The following FAM47E variants were observed in gnomAD, a reference collection of about 807,000 sequenced individuals.
The protein encoded by FAM47E is protein FAM47E.
FAM47E carries 32 observed loss-of-function variants against 41.6 expected under a neutral mutation model. That is an observed-to-expected ratio of 0.77 (90% CI 0.58 to 1.03). FAM47E has a LOEUF of 1.03. Among genes scored for constraint, FAM47E ranks in the 50% least tolerant of loss-of-function variants. The pLI is 0.00. For synonymous variants in FAM47E, 184 were observed against 188.7 expected (o/e 0.98, Z 0.20); for missense variants, 424 against 485.4 (o/e 0.87, Z 1.19).
chr4:76,259,152 A>G (rs1043909004), intron 2 of FAM47E, among the ~76,000 whole-genome samples: 6 of 152,206 alleles, frequency 3.9e-5, no homozygotes, highest in Non-Finnish European at 7.3e-5. Flanking sequence ...AAATTATTCA[A>G]TTGTGTACAA....
chr4:76,265,254 G>A (rs1293542436), intron 3 of FAM47E, among the ~76,000 whole-genome samples: 1 of 152,182 alleles, frequency 6.6e-6, no homozygotes. Flanking sequence ...ATGGCCCATG[G>A]GAAGCACAAT....
chr4:76,215,082 A>T (rs1425588034), intron 1 of FAM47E, among the ~76,000 whole-genome samples: 1 of 152,260 alleles, frequency 6.6e-6, no homozygotes, highest in Non-Finnish European at 1.5e-5. Flanking sequence ...TGCTGTGCTC[A>T]GTCATGAGCT....
In FAM47E at chr4:76,271,632, C is replaced by T. The variant is rs1410405126; in HGVS notation, c.734C>T (p.Pro245Leu). Reference protein sequence around the residue: ...KQFDIDYETKPSHDALHTMKL... With the variant: ...KQFDIDYETKLSHDALHTMKL... ...TTTGACATTGACTATGAGACCAAACCAAGCCATGATGCGCTCCACACGATG... is the reference window on the plus strand; with the variant it reads ...TTTGACATTGACTATGAGACCAAACTAAGCCATGATGCGCTCCACACGATG... Residue 245 changes from proline to leucine, a missense_variant, in exon 5 of 8, where the codon CCA becomes CTA. By Grantham distance (98) the Pro-to-Leu change is moderately conservative. Coordinates refer to ENST00000424749, the MANE Select transcript of FAM47E (RefSeq NM_001136570.3). 3.9e-6 allele frequency: 6 copies of T among 1,552,018 alleles called. No individual in the cohort carries two copies. Among genetic ancestry groups the T allele is most frequent in the Non-Finnish European group, 5.2e-6 (6 of 1,147,112 alleles).
At chr4:76,247,910 C>CTTTTTTTTTTTTTTTTT (rs753751295), upstream of FAM47E, among the ~76,000 whole-genome samples, 1 of 86,844 alleles carries the variant, frequency 1.2e-5, no homozygotes, top group Non-Finnish European at 2.1e-5. Context: ...CACTCTCTCT[C>CTTTTTTTTTTTTTTTTT]TTTTTTTTTT....
chr4:76,235,249 C>G (rs988694845), intron 2 of FAM47E, among the ~76,000 whole-genome samples: 1 of 152,008 alleles, frequency 6.6e-6, no homozygotes, highest in Non-Finnish European at 1.5e-5. Flanking sequence ...CCCCGGGAGG[C>G]GGAGCTTGCA....
chr4:76,277,266 C>T lies in FAM47E; in HGVS notation c.871-803C>T, dbSNP rs191956888. Among the ~76,000 whole-genome samples the T allele has an allele frequency of 5.5e-4, 83 of 152,190 alleles. 1 individual carries two copies. The East Asian group carries it at 0.015, about 28-fold the overall frequency. ...TTGGGAGGCCGAGGCGGGCGGATCACGAGGTCAGGAGATCAAGACCATCCT... is the reference window on the plus strand; with the variant it reads ...TTGGGAGGCCGAGGCGGGCGGATCATGAGGTCAGGAGATCAAGACCATCCT... On this transcript the variant is annotated intron_variant, in intron 5 of 7. Transcript: ENST00000424749.
At chr4:76,248,338 A>G (rs144578462), upstream of FAM47E, among the ~76,000 whole-genome samples, 50 of 152,236 alleles carry the variant, frequency 3.3e-4, no homozygotes, top group East Asian at 8.5e-3. Context: ...CCATTGCCAA[A>G]TTCAAAATTG....
Position 76,256,378 on chromosome 4 carries a change from T to C in FAM47E, c.275T>C (p.Ile92Thr). 1.9e-6 allele frequency: 3 copies of C among 1,551,908 alleles called. No homozygotes were observed. Among genetic ancestry groups the C allele is most frequent in the Non-Finnish European group, 2.6e-6 (3 of 1,147,174 alleles). The change falls in exon 2 of 8, where the codon ATC (isoleucine) becomes ACC (threonine). Residue 92 changes from isoleucine (I) to threonine (T), a missense_variant. Physicochemically the swap from Ile to Thr is moderately conservative, Grantham distance 89 (BLOSUM62 -1). Transcript: ENST00000424749. ...CAACTGGCCCCAAAGAAGAGGCAGA[T>C]CAAGCTGCTCAAGGAAGCAGACGTG... ...APQLAPKKRQ[I>T]KLLKEADVLS...
chr4:76,282,117 G>A (rs1578810405), intron 7 of FAM47E: 1 of 152,148 alleles, frequency 6.6e-6, no homozygotes, highest in South Asian at 2.1e-4. Context: ...TATAGTGTGT[G>A]CGTCAATAAT....
chr4:76,278,346 C>A, intron 6 of FAM47E, 122 bp downstream of exon 6: 1 of 1,077,866 alleles, frequency 9.3e-7, no homozygotes, highest in Non-Finnish European at 1.2e-6. Context: ...CTCCACCTTG[C>A]ATATTGAATT....
At chr4:76,257,155 A>G (rs1734228125) in intron 2 of FAM47E, among the ~76,000 whole-genome samples, 1 of 152,248 alleles carries the variant, frequency 6.6e-6, no homozygotes, top group African/African-American at 2.4e-5. Flanking sequence ...GAGGGAAGGG[A>G]CAAAGGTTAA....
In FAM47E at chr4:76,259,343, G is replaced by C. The variant is rs560703076; in HGVS notation, c.420+2820G>C. Reference sequence around the variant, plus strand: ...ACTACTCTTGGTTAAAGATTTGACTGTCAAGAAAGATAGACTTCTTATATT... The same window carrying C: ...ACTACTCTTGGTTAAAGATTTGACTCTCAAGAAAGATAGACTTCTTATATT... On this transcript the variant is annotated intron_variant, in intron 2 of 7. Transcript: ENST00000424749. Among the ~76,000 whole-genome samples, 14 of 152,302 alleles carry C rather than the reference G, an allele frequency of 9.2e-5. No homozygotes were observed. In the South Asian group the frequency reaches 2.5e-3, roughly 27 times the overall value.
At position 76,271,854 on chromosome 4, in the gene FAM47E, G is replaced by A. The variant is rs141636919; in HGVS notation, c.870+86G>A. The A allele has an allele frequency of 4.9e-4, 697 of 1,414,034 alleles. 9 individuals carry two copies. In the East Asian group the frequency reaches 0.017, roughly 35 times the overall value. The allele number at this position is 1,414,034 out of a possible 1,614,324, so 87.6% of individuals were successfully genotyped here. A position where few individuals can be genotyped will look rare whatever the true frequency, so the allele number is the denominator to read the frequency against. ...AAGTTCTTGAATTCTGATGTGTCATGGGTACTGGTTTTTTAAAGTAGAATT... is the reference window on the plus strand; with the variant it reads ...AAGTTCTTGAATTCTGATGTGTCATAGGTACTGGTTTTTTAAAGTAGAATT... On this transcript the variant is annotated intron_variant, in intron 5 of 7. Coordinates refer to ENST00000424749, the MANE Select transcript of FAM47E (RefSeq NM_001136570.3).
At chr4:76,265,413 G>A (rs1185726586) in intron 3 of FAM47E, among the ~76,000 whole-genome samples, 2 of 152,214 alleles carry the variant, frequency 1.3e-5, no homozygotes, top group Non-Finnish European at 2.9e-5. Flanking sequence ...GCTGTTATCA[G>A]TGAAGGGGAT....
At chr4:76,275,252 C>T (rs1009077506) in intron 5 of FAM47E, among the ~76,000 whole-genome samples, 5 of 152,038 alleles carry the variant, frequency 3.3e-5, no homozygotes, top group African/African-American at 1.2e-4. Flanking sequence ...ATAGTATTCT[C>T]GCTGCCTGGA....
At position 76,283,629 on chromosome 4, in the gene FAM47E, A is replaced by G. The variant is rs974115237; in HGVS notation, c.*171A>G. ...ACCTGATGGTTATAAGCATTTCTCA[A>G]TGGATTTCTGCTTCAGTTAATCAAC... On this transcript the variant is annotated 3_prime_UTR_variant, in exon 8 of 8. Transcript: ENST00000424749. 2 of 527,242 alleles carry G rather than the reference A, an allele frequency of 3.8e-6. No individual in the cohort carries two copies. Among genetic ancestry groups the G allele is most frequent in the Admixed American group, 3.2e-5 (1 of 30,912 alleles). The allele number at this position is 527,242 out of a possible 1,614,324, so 32.7% of individuals were successfully genotyped here. A position where few individuals can be genotyped will look rare whatever the true frequency, so the allele number is the denominator to read the frequency against.
chr4:76,276,066 ACACC>A (rs919342292), intron 5 of FAM47E, among the ~76,000 whole-genome samples: 3 of 151,148 alleles, frequency 2.0e-5, no homozygotes, highest in Non-Finnish European at 3.0e-5. Context: ...ACACACACAC[ACACC>A]CCTCCCCTAC....
chr4:76,262,702 C>T (rs1412103330), intron 2 of FAM47E, among the ~76,000 whole-genome samples: 1 of 152,120 alleles, frequency 6.6e-6, no homozygotes, highest in African/African-American at 2.4e-5. Context: ...TGAAAGATAA[C>T]ATTTTTTGAT....
In FAM47E at chr4:76,278,152, C is replaced by T. The variant is rs759825030; in HGVS notation, c.954C>T (p.Asp318=). Residue 318 remains aspartate (D), a synonymous_variant, in exon 6 of 8, where the codon GAC becomes GAT. Transcript: ENST00000424749. The stretch of plus-strand genomic sequence containing the variant: ...AGTTGTGGAAAAAGCAAAGAGTAGA[C>T]GAGCCTCTGGTTGACCCTGAGGTCT... ...NPKLWKKQRV[D]EPLVDPEVSH... 5.8e-5 allele frequency: 90 copies of T among 1,550,440 alleles called. No homozygotes were observed. Among genetic ancestry groups the T allele is most frequent in the East Asian group, 3.4e-4 (14 of 40,856 alleles).
Sources: allele counts gnomAD v4.1 joint callset (sites outside exome capture counted in the v4.1 genomes callset), GRCh38; gene constraint gnomAD v4.1.1; transcripts MANE v1.5; gene names NCBI Gene and HGNC (gene_info 2026-07-23, HGNC 2026-07-21).